The following RUBCN variants were observed in gnomAD, a reference collection of about 807,000 sequenced individuals.
RUBCN encodes run domain Beclin-1-interacting and cysteine-rich domain-containing protein.
Under a neutral mutation model 113.2 loss-of-function variants are expected in RUBCN, and 74 were observed. The ratio of observed to expected loss-of-function variants is 0.65; its 90% CI spans 0.54 to 0.79. The LOEUF (loss-of-function observed/expected upper bound fraction) is 0.79. RUBCN is among the 30% of genes least tolerant of loss of function. The pLI is 0.00. For synonymous variants in RUBCN, 480 were observed against 490.0 expected, an observed-to-expected ratio of 0.98 and a Z score of 0.27; for missense variants, 1,109 against 1,251.7, an observed-to-expected ratio of 0.89 and a Z score of 1.72.
At chr3:197,693,372 T>C (rs140216936) in intron 11 of RUBCN, among the ~76,000 whole-genome samples, 13 of 152,366 alleles carry the variant, frequency 8.5e-5, no homozygotes, top group Middle Eastern at 3.4e-3. Flanking sequence ...AGTTGTGTTA[T>C]GGAACCCAAG....
At chr3:197,738,198 G>C (rs1168544532), upstream of RUBCN, among the ~76,000 whole-genome samples, 2 of 152,194 alleles carry the variant, frequency 1.3e-5, no homozygotes, top group East Asian at 3.8e-4. Flanking sequence ...GGTGGCCCTT[G>C]AGTTGCTAGT....
At chr3:197,723,368 T>C (rs1726378922) in intron 1 of RUBCN, among the ~76,000 whole-genome samples, 1 of 152,066 alleles carries the variant, frequency 6.6e-6, no homozygotes, top group South Asian at 2.1e-4. Context: ...GTATTTTTAG[T>C]AGAGACGGGG....
intron 2 of RUBCN, among the ~76,000 whole-genome samples, chr3:197,715,016 G>A (rs930831333): frequency 6.6e-6 from 1 of 152,034 alleles, no homozygotes; most frequent in Non-Finnish European, 1.5e-5. Context: ...TCGGCTAGGC[G>A]CAGTGGCTCA....
intron 1 of RUBCN, among the ~76,000 whole-genome samples, chr3:197,731,546 G>C (rs1727467505): frequency 6.6e-6 from 1 of 152,200 alleles, no homozygotes; most frequent in Non-Finnish European, 1.5e-5. Context: ...GGGCAGAGGG[G>C]CTCCTCACTT....
Position 197,669,798 on chromosome 3 carries a change from T to A in RUBCN, c.*5220A>T, listed in dbSNP as rs1719616938. Among the ~76,000 whole-genome samples, 1 of 152,250 alleles carries A rather than the reference T, an allele frequency of 6.6e-6. No individual in the cohort carries two copies. The highest frequency in any genetic ancestry group is 1.5e-5 in the Non-Finnish European group (1 of 68,042). On this transcript the variant is annotated 3_prime_UTR_variant, in exon 20 of 20. Coordinates refer to ENST00000296343, the MANE Select transcript of RUBCN (RefSeq NM_014687.4). ...ATTTGGTCATTTATTTATGTATGTA[T>A]GGACTAATAAATATATATTTGACAT... is the stretch of plus-strand genomic sequence containing the variant.
At chr3:197,723,500 T>C (rs1726397369) in intron 1 of RUBCN, among the ~76,000 whole-genome samples, 1 of 152,168 alleles carries the variant, frequency 6.6e-6, no homozygotes, top group African/African-American at 2.4e-5. Flanking sequence ...AAAAGTTATT[T>C]TAAACTGACA....
At chr3:197,696,829 A>G (rs76762014) in intron 8 of RUBCN, 125 bp downstream of exon 8, 12,871 of 690,008 alleles carry the variant, frequency 0.019, 357 homozygotes, top group African/African-American at 0.072. Flanking sequence ...CAAAAGAGTG[A>G]CTGAGACTGT....
In RUBCN at chr3:197,669,251, T is replaced by C. The variant is rs555093941; in HGVS notation, c.*5767A>G. Among the ~76,000 whole-genome samples, 3 of 152,352 alleles carry C rather than the reference T, an allele frequency of 2.0e-5. No homozygotes were observed. The highest frequency in any genetic ancestry group is 3.9e-4 in the East Asian group (2 of 5,192). On this transcript the variant is annotated 3_prime_UTR_variant, in exon 20 of 20. Transcript: ENST00000296343. ...TTACTTTTAACTAAACTCCAAATTG[T>C]ATTCAGATTTTGCCAGTTTTTTCAC...
chr3:197,735,608 T>G (rs1728032096), intron 1 of RUBCN, among the ~76,000 whole-genome samples: 1 of 152,156 alleles, frequency 6.6e-6, no homozygotes, highest in East Asian at 1.9e-4. Flanking sequence ...TTTTGTTTTT[T>G]GAAGACAGGG....
intron 7 of RUBCN, among the ~76,000 whole-genome samples, chr3:197,698,247 AT>A (rs1332241641): frequency 6.6e-6 from 1 of 152,252 alleles, no homozygotes; most frequent in African/African-American, 2.4e-5. Flanking sequence ...GCTATTCTAA[AT>A]GATGGTCCTA....
At chr3:197,692,307 T>A (rs1411044751) in intron 11 of RUBCN, among the ~76,000 whole-genome samples, 2 of 152,072 alleles carry the variant, frequency 1.3e-5, no homozygotes, top group East Asian at 3.9e-4. Flanking sequence ...CGAGTTCCTG[T>A]GCTCGTGATC....
chr3:197,723,007 T>C (rs1446959629), intron 1 of RUBCN, among the ~76,000 whole-genome samples: 3 of 152,166 alleles, frequency 2.0e-5, no homozygotes, highest in Non-Finnish European at 4.4e-5. Context: ...TTCTAGTTTT[T>C]TTACAGTTCC....
At chr3:197,717,375 C>A (rs137948370) in intron 2 of RUBCN, among the ~76,000 whole-genome samples, 3 of 149,332 alleles carry the variant, frequency 2.0e-5, no homozygotes, top group East Asian at 4.0e-4. Flanking sequence ...ACCCGGGAGG[C>A]GGAGCTTGCA....
At chr3:197,699,408 C>T (rs1008961731) in intron 7 of RUBCN, among the ~76,000 whole-genome samples, 1 of 152,214 alleles carries the variant, frequency 6.6e-6, no homozygotes, top group Non-Finnish European at 1.5e-5. Context: ...CCCATATTTC[C>T]TCAGATCCTT....
upstream of RUBCN, chr3:197,737,034 C>G (rs1247675985): frequency 4.6e-6 from 4 of 868,386 alleles, no homozygotes; most frequent in Non-Finnish European, 5.9e-6. Flanking sequence ...GCCGCTCCCG[C>G]AAGCCGCGCC....
At chr3:197,719,843 ATAG>A (rs1246808641) in intron 1 of RUBCN, among the ~76,000 whole-genome samples, 1 of 152,236 alleles carries the variant, frequency 6.6e-6, no homozygotes, top group Non-Finnish European at 1.5e-5. Flanking sequence ...GTACATATTG[ATAG>A]TATACAATGG....
rs1355451138 is a variant in RUBCN at position 197,704,832 on chromosome 3, G to A, written c.304-131C>T. The A allele has an allele frequency of 7.4e-6, 8 of 1,075,126 alleles. No individual in the cohort carries two copies. The East Asian group carries it at 2.0e-4, about 27-fold the overall frequency. The allele number at this position is 1,075,126 out of a possible 1,614,324, so 66.6% of individuals were successfully genotyped here. ...TGAAAGGCTTCACCCTGGGTCCCAT[G>A]TAGGCAGGCTTTTTTGAAAATAGCA... is the stretch of plus-strand genomic sequence containing the variant. On this transcript the variant is annotated intron_variant, in intron 3 of 19. Coordinates refer to ENST00000296343, the MANE Select transcript of RUBCN (RefSeq NM_014687.4).
chr3:197,721,366 ACTT>A (rs1726142843), intron 1 of RUBCN, among the ~76,000 whole-genome samples: 1 of 151,954 alleles, frequency 6.6e-6, no homozygotes, highest in Admixed American at 6.6e-5. Context: ...AAATTTCTTC[ACTT>A]CTTCTAGGTT....
chr3:197,693,509 C>T (rs1722663347), intron 11 of RUBCN, among the ~76,000 whole-genome samples: 1 of 152,222 alleles, frequency 6.6e-6, no homozygotes, highest in African/African-American at 2.4e-5. Flanking sequence ...CGAGCAGCCA[C>T]TCCATCCACC....
Sources: gnomAD v4.1 joint callset for allele counts (sites outside exome capture counted in the v4.1 genomes callset) on GRCh38, gnomAD v4.1.1 for gene constraint, MANE v1.5 for transcripts, NCBI Gene and HGNC (gene_info 2026-07-23, HGNC 2026-07-21) for gene names.